Variants in YJEFN3 observed in about 807,000 individuals in gnomAD.
YJEFN3 encodes the protein yjeF N-terminal domain-containing protein 3.
A neutral mutation model predicts 31.5 loss-of-function variants in YJEFN3; 29 were observed. That is an observed-to-expected ratio of 0.92 (90% CI 0.69 to 1.26). The LOEUF (loss-of-function observed/expected upper bound fraction) is 1.26, where lower values mean the gene tolerates loss of function less well. Ranked by LOEUF, YJEFN3 falls within the 50% of genes most tolerant of loss-of-function variation. YJEFN3 has a pLI of 0.00. For synonymous variants in YJEFN3, 227 were observed against 196.1 expected, an observed-to-expected ratio of 1.16 and a Z score of -1.32; for missense variants, 442 against 425.4, an observed-to-expected ratio of 1.04 and a Z score of -0.34.
At chr19:19,533,405 C>G in intron 3 of YJEFN3, 1 of 986,392 alleles carries the variant, frequency 1.0e-6, no homozygotes, top group Non-Finnish European at 1.2e-6. Context: ...TGACTGCCTC[C>G]TCTTCCTCCC....
At chr19:19,537,035 C>G (rs1483213933) in intron 6 of YJEFN3, among the ~76,000 whole-genome samples, 1 of 152,132 alleles carries the variant, frequency 6.6e-6, no homozygotes, top group Non-Finnish European at 1.5e-5. Flanking sequence ...TGCAGAAGCT[C>G]TGGTCTGATT....
chr19:19,531,882 G>C (rs1302811189), intron 2 of YJEFN3, among the ~76,000 whole-genome samples: 1 of 151,736 alleles, frequency 6.6e-6, no homozygotes, highest in Non-Finnish European at 1.5e-5. Flanking sequence ...CGTACTGCAG[G>C]CACCCACCAC....
chr19:19,532,134 C>G (rs113858307), intron 2 of YJEFN3, among the ~76,000 whole-genome samples: 1 of 152,188 alleles, frequency 6.6e-6, no homozygotes, highest in Non-Finnish European at 1.5e-5. Flanking sequence ...GCTGAGTGTG[C>G]CATCAAACAC....
intron 2 of YJEFN3, among the ~76,000 whole-genome samples, chr19:19,531,056 G>A (rs938867666): frequency 2.6e-5 from 4 of 152,146 alleles, no homozygotes; most frequent in South Asian, 4.1e-4. Flanking sequence ...TACCTGCCAC[G>A]ATGTGCCAGG....
chr19:19,535,299 G>A (rs1163665245), intron 4 of YJEFN3, 38 bp from the exon 5 acceptor site: 2 of 1,596,916 alleles, frequency 1.3e-6, no homozygotes, highest in Non-Finnish European at 1.7e-6. Flanking sequence ...CTGGTGACCA[G>A]GTCAGGGGAG....
At chr19:19,532,582 AGGCTCT>A (rs1428068027) in intron 2 of YJEFN3, 44 bp from the exon 3 acceptor site, 16 of 1,298,706 alleles carry the variant, frequency 1.2e-5, no homozygotes, top group Non-Finnish European at 1.7e-5. Flanking sequence ...GCTCCATCTG[AGGCTCT>A]GTCTCTGTGT....
Position 19,534,955 on chromosome 19 carries a change from A to G in YJEFN3, c.319-79A>G. ...AGGCCCAAGCCCCATCCCTTCCCCT[A>G]CTCCGGGCCTCAGTTTCCTCTCCAG... is the stretch of plus-strand genomic sequence containing the variant. On this transcript the variant is annotated intron_variant, in intron 3 of 6. Coordinates refer to ENST00000514277, the MANE Select transcript of YJEFN3 (RefSeq NM_198537.4). This position sits in a 1 kb window ranked among gnomAD's most constrained non-coding sequence, Gnocchi z 4.6. The G allele has an allele frequency of 1.6e-6, 2 of 1,274,828 alleles. No individual in the cohort carries two copies. Among genetic ancestry groups the G allele is most frequent in the Non-Finnish European group, 2.1e-6 (2 of 935,640 alleles). The allele number at this position is 1,274,828 out of a possible 1,614,324, so 79.0% of individuals were successfully genotyped here. A position where few individuals can be genotyped will look rare whatever the true frequency, so the allele number is the denominator to read the frequency against.
chr19:19,537,399 T>A lies in YJEFN3; in HGVS notation c.775T>A (p.Cys259Ser), dbSNP rs774387988. Residue 259 changes from cysteine to serine, a missense_variant, in exon 7 of 7, where the codon TGC (cysteine) becomes AGC (serine). Physicochemically the swap from Cys to Ser is moderately radical, Grantham distance 112. Coordinates refer to ENST00000514277, the MANE Select transcript of YJEFN3 (RefSeq NM_198537.4). The stretch of plus-strand genomic sequence containing the variant: ...GGTGTCTCTCGCGGCGCCCAAGCGC[T>A]GCGCTGGCCGCTTCTCCGGGCGCCA... ...VLVSLAAPKR[C>S]AGRFSGRHHF... 5.1e-5 allele frequency: 81 copies of A among 1,590,564 alleles called. No individual in the cohort carries two copies. The highest frequency in any genetic ancestry group is 6.5e-5 in the Non-Finnish European group (76 of 1,174,928).
intron 2 of YJEFN3, among the ~76,000 whole-genome samples, chr19:19,532,065 A>T (rs2061161961): frequency 6.6e-6 from 1 of 152,062 alleles, no homozygotes. Context: ...TAATTATGTC[A>T]CTGCCCCTGA....
Position 19,531,815 on chromosome 19 carries a change from T to C in YJEFN3, c.210-817T>C, listed in dbSNP as rs535929783. On this transcript the variant is annotated intron_variant, in intron 2 of 6. Coordinates refer to ENST00000514277, the MANE Select transcript of YJEFN3 (RefSeq NM_198537.4). ...GGCACGATCTCGGCTCACTGCAACC[T>C]CTGCCACCCGGGTTCAAGCGATTCT... Among the ~76,000 whole-genome samples the C allele has an allele frequency of 2.4e-3, 302 of 127,258 alleles. 1 individual carries two copies. The highest frequency in any genetic ancestry group is 8.7e-3 in the African/African-American group (293 of 33,738). 83.5% of individuals were successfully genotyped at this position (127,258 alleles called of 152,430 possible). A position where few individuals can be genotyped will look rare whatever the true frequency, so the allele number is the denominator to read the frequency against.
chr19:19,532,715 A>G lies in YJEFN3; in HGVS notation c.293A>G (p.His98Arg). 6.4e-7 allele frequency: 1 copy of G among 1,573,954 alleles called. No homozygotes were observed. Among genetic ancestry groups the G allele is most frequent in the Non-Finnish European group, 8.6e-7 (1 of 1,165,648 alleles). ...CAGCAGCTCGTGGAGCTGTGCGGTCATGCTAGTGCCGTGGCTGTGACCAAG... is the reference window on the plus strand; with the variant it reads ...CAGCAGCTCGTGGAGCTGTGCGGTCGTGCTAGTGCCGTGGCTGTGACCAAG... Reference protein sequence around the residue: ...GRQQLVELCGHASAVAVTKAF... With the variant: ...GRQQLVELCGRASAVAVTKAF... The change falls in exon 3 of 7, where the codon CAT (histidine) becomes CGT (arginine). Residue 98 changes from histidine to arginine, a missense_variant. By Grantham distance (29) the His-to-Arg change is conservative. Transcript: ENST00000514277.
At chr19:19,533,831 G>C (rs1005186637) in intron 3 of YJEFN3, 4 of 985,330 alleles carry the variant, frequency 4.1e-6, no homozygotes, top group South Asian at 4.7e-5. Flanking sequence ...GTGGCCAACT[G>C]TCTGGTTTTT....
In YJEFN3 at chr19:19,534,898, C is replaced by G; in HGVS notation, c.319-136C>G. On this transcript the variant is annotated intron_variant, in intron 3 of 6. Coordinates refer to ENST00000514277, the MANE Select transcript of YJEFN3 (RefSeq NM_198537.4). The surrounding 1 kb of genome is among the most constrained non-coding windows in gnomAD (Gnocchi z 4.6). ...AAGAGGCCCAACCCCTCATCCAGAA[C>G]AGCTCACCTCCTGTCCTATCCTGTT... 1.6e-6 allele frequency: 1 copy of G among 619,442 alleles called. No homozygotes were observed. Among genetic ancestry groups the G allele is most frequent in the Non-Finnish European group, 2.6e-6 (1 of 387,140 alleles). 38.4% of individuals were successfully genotyped at this position (619,442 alleles called of 1,614,324 possible). A position where few individuals can be genotyped will look rare whatever the true frequency, so the allele number is the denominator to read the frequency against.
Position 19,529,372 on chromosome 19 carries a change from A to T in YJEFN3, c.68A>T (p.Glu23Val). 1.2e-6 allele frequency: 2 copies of T among 1,611,916 alleles called. 1 individual carries two copies. Among genetic ancestry groups the T allele is most frequent in the South Asian group, 2.2e-5 (2 of 90,812 alleles). The change falls in exon 2 of 7, where the codon GAG (glutamate) becomes GTG (valine). Residue 23 changes from glutamate to valine, a missense_variant. Transcript: ENST00000514277. Reference sequence around the variant, plus strand: ...CTCTCCATCTCTCCCAGGGCCTTGGAGCTGCAGCCCCCACTTGCCGACATG... The same window carrying T: ...CTCTCCATCTCTCCCAGGGCCTTGGTGCTGCAGCCCCCACTTGCCGACATG... ...PEERHFLRAL[E>V]LQPPLADMGR...
rs763297107 is a variant in YJEFN3 at position 19,537,336 on chromosome 19, G to A, written c.712G>A (p.Gly238Ser). The change falls in exon 7 of 7, where the codon GGC becomes AGC. Residue 238 changes from glycine to serine, a missense_variant. Gly to Ser is a moderately conservative substitution (Grantham distance 56). Transcript: ENST00000514277. Reference sequence around the variant, plus strand: ...TCCCTCAGGCTGGGACGCAGAGACCGGCAGCGATTCGGAGGACGGGCTGCG... The same window carrying A: ...TCCCTCAGGCTGGGACGCAGAGACCAGCAGCGATTCGGAGGACGGGCTGCG... ...DIPSGWDAET[G>S]SDSEDGLRPD... The A allele has an allele frequency of 6.9e-6, 11 of 1,594,520 alleles. No individual in the cohort carries two copies. Among genetic ancestry groups the A allele is most frequent in the Admixed American group, 1.7e-5 (1 of 59,546 alleles).
At chr19:19,535,705 TG>T (rs1213248355) in intron 6 of YJEFN3, 26 bp downstream of exon 6, 22 of 1,544,050 alleles carry the variant, frequency 1.4e-5, no homozygotes, top group Non-Finnish European at 1.9e-5. Flanking sequence ...GGGGGCACAT[TG>T]GGGCCTGGGG....
rs550066912 is a variant in YJEFN3, at chr19:19,536,676, C to G, written c.695-643C>G. The stretch of plus-strand genomic sequence containing the variant: ...CCTGGGCAATAGAGAGAGACTGTAT[C>G]TTAAAAACAAACAGGCTGGGCGCAA... On this transcript the variant is annotated intron_variant, in intron 6 of 6. Coordinates refer to ENST00000514277, the MANE Select transcript of YJEFN3 (RefSeq NM_198537.4). Among the ~76,000 whole-genome samples, 3 of 148,496 alleles carry G rather than the reference C, an allele frequency of 2.0e-5. No individual in the cohort carries two copies. The East Asian group carries it at 6.1e-4, about 30-fold the overall frequency.
At chr19:19,529,222 A>G (rs2061129170) in intron 1 of YJEFN3, 142 bp from the exon 2 acceptor site, 1 of 1,447,920 alleles carries the variant, frequency 6.9e-7, no homozygotes, top group Non-Finnish European at 9.1e-7. Context: ...CCCTCCTGGC[A>G]TCTTGCTGGA....
At position 19,537,568 on chromosome 19, in the gene YJEFN3, G is replaced by C. The variant is rs2061224465; in HGVS notation, c.*44G>C. 1 of 1,475,032 alleles carries C rather than the reference G, an allele frequency of 6.8e-7. No individual in the cohort carries two copies. The highest frequency in any genetic ancestry group is 9.0e-7 in the Non-Finnish European group (1 of 1,111,432). The allele number at this position is 1,475,032 out of a possible 1,614,324, so 91.4% of individuals were successfully genotyped here. ...CCGCAGGGACCCTCGCCAATAAACAGCCCTCCCACCACCGCCGCCTCGCCT... is the reference window on the plus strand; with the variant it reads ...CCGCAGGGACCCTCGCCAATAAACACCCCTCCCACCACCGCCGCCTCGCCT... On this transcript the variant is annotated 3_prime_UTR_variant, in exon 7 of 7. Coordinates refer to ENST00000514277, the MANE Select transcript of YJEFN3 (RefSeq NM_198537.4).
Sources: gnomAD v4.1 joint callset for allele counts (sites outside exome capture counted in the v4.1 genomes callset) on GRCh38, gnomAD v4.1.1 for gene constraint, Gnocchi (gnomAD v3.1) non-coding constraint, MANE v1.5 for transcripts, NCBI Gene and HGNC (gene_info 2026-07-23, HGNC 2026-07-21) for gene names.